ZNF536: variants seen among roughly 807,000 people sequenced by gnomAD.
ZNF536 encodes the protein zinc finger protein 536.
ZNF536 carries 13 observed loss-of-function variants against 84.5 expected under a neutral mutation model. The observed-to-expected ratio is 0.15, with a 90% confidence interval of 0.10 to 0.24. ZNF536 has a LOEUF of 0.24. ZNF536 is among the 10% of genes least tolerant of loss of function. ZNF536 has a pLI of 1.00. For synonymous variants in ZNF536, 811 were observed against 742.5 expected (o/e 1.09, Z -1.50); for missense variants, 1,536 against 1,747.5 (o/e 0.88, Z 2.16).
chr19:30,408,016 A>AT (rs1253037446), intron 1 of ZNF536, among the ~76,000 whole-genome samples: 1 of 152,188 alleles, frequency 6.6e-6, no homozygotes, highest in Non-Finnish European at 1.5e-5. Context: ...GGGCACTATG[A>AT]GTACCTGCCT....
At chr19:30,609,519 T>C (rs2048013720) in intron 1 of ZNF536, among the ~76,000 whole-genome samples, 1 of 152,240 alleles carries the variant, frequency 6.6e-6, no homozygotes, top group African/African-American at 2.4e-5. Flanking sequence ...GCCATGGCTC[T>C]GACATAGCTA....
At chr19:30,666,978 G>A (rs2147665806) in intron 1 of ZNF536, among the ~76,000 whole-genome samples, 1 of 152,214 alleles carries the variant, frequency 6.6e-6, no homozygotes, top group Admixed American at 6.5e-5. Context: ...TGTCTCCTGG[G>A]CCACAGGGGA....
chr19:30,483,286 A>G (rs2054160814), intron 2 of ZNF536, among the ~76,000 whole-genome samples: 1 of 152,180 alleles, frequency 6.6e-6, no homozygotes, highest in Non-Finnish European at 1.5e-5. Flanking sequence ...TTGGCAGGTC[A>G]GCTGGCCTCC....
chr19:30,394,958 C>T (rs909353115), intron 1 of ZNF536, among the ~76,000 whole-genome samples: 1 of 152,188 alleles, frequency 6.6e-6, no homozygotes, highest in Non-Finnish European at 1.5e-5. Flanking sequence ...GAGTCTTGCA[C>T]ATCTGCTTCC....
chr19:30,251,216 G>C (rs1440197773), intron 1 of ZNF536, among the ~76,000 whole-genome samples: 2 of 152,128 alleles, frequency 1.3e-5, no homozygotes, highest in Non-Finnish European at 2.9e-5. Flanking sequence ...ATAAGACTGT[G>C]TGTCTACATT....
intron 1 of ZNF536, among the ~76,000 whole-genome samples, chr19:30,383,682 TCCTTCCTTTCTTTTCTTTCTC>T (rs2049127269): frequency 2.5e-5 from 1 of 40,054 alleles, no homozygotes; most frequent in African/African-American, 7.1e-5. Context: ...CTTCCTTTCT[TCCTTCCTTTCTTTTCTTTCTC>T]TTTCTTTCTT....
At chr19:30,669,814 C>T (rs543383491) in intron 1 of ZNF536, among the ~76,000 whole-genome samples, 3 of 152,322 alleles carry the variant, frequency 2.0e-5, no homozygotes, top group East Asian at 3.9e-4. Flanking sequence ...GAAAAGACCT[C>T]AGGTTAACCG....
chr19:30,251,254 G>C (rs1450900601), intron 1 of ZNF536, among the ~76,000 whole-genome samples: 1 of 152,138 alleles, frequency 6.6e-6, no homozygotes, highest in Non-Finnish European at 1.5e-5. Flanking sequence ...AACCATTTCT[G>C]ATGCTATTTG....
intron 2 of ZNF536, among the ~76,000 whole-genome samples, chr19:30,468,853 G>T (rs1030354720): frequency 4.6e-5 from 7 of 152,136 alleles, no homozygotes; most frequent in Admixed American, 1.3e-4. Flanking sequence ...GGCTTTGGGG[G>T]TGCAGGTGCA....
intron 3 of ZNF536, among the ~76,000 whole-genome samples, chr19:30,363,159 A>G (rs1361155673): frequency 6.6e-6 from 1 of 152,150 alleles, no homozygotes; most frequent in Non-Finnish European, 1.5e-5. Flanking sequence ...GGCTGGGACA[A>G]GCTCCCTGGA....
chr19:30,299,437 T>G (rs2046108131), intron 2 of ZNF536, among the ~76,000 whole-genome samples: 1 of 152,164 alleles, frequency 6.6e-6, no homozygotes, highest in African/African-American at 2.4e-5. Context: ...AAACAACAAA[T>G]CCATTGTGAA....
chr19:30,527,026 C>T lies in ZNF536; in HGVS notation c.2171-7821C>T, dbSNP rs527910106. 6.9e-3 allele frequency among the ~76,000 whole-genome samples: 1,046 copies of T among 151,880 alleles called. 11 individuals are homozygous for T. The highest frequency in any genetic ancestry group is 0.024 in the African/African-American group (979 of 41,456). On this transcript the variant is annotated intron_variant, in intron 2 of 4. Transcript: ENST00000355537. ...CTCCGCCTCCTGGGTTCAAGCGATTCTCTTATCTCAGCCTCCCGAATAGCC... is the reference window on the plus strand; with the variant it reads ...CTCCGCCTCCTGGGTTCAAGCGATTTTCTTATCTCAGCCTCCCGAATAGCC...
chr19:30,483,732 C>A (rs1483005562), intron 2 of ZNF536, among the ~76,000 whole-genome samples: 1 of 152,120 alleles, frequency 6.6e-6, no homozygotes, highest in Non-Finnish European at 1.5e-5. Flanking sequence ...AAGGATCTAC[C>A]TAAAAGCCAA....
chr19:30,365,538 G>A (rs1487891297), intron 3 of ZNF536, among the ~76,000 whole-genome samples: 2 of 152,166 alleles, frequency 1.3e-5, no homozygotes, highest in East Asian at 3.9e-4. Flanking sequence ...ACATAGCATT[G>A]CCACTTCTAT....
chr19:30,656,601 G>A (rs2049924811), intron 1 of ZNF536, among the ~76,000 whole-genome samples: 1 of 152,228 alleles, frequency 6.6e-6, no homozygotes, highest in Non-Finnish European at 1.5e-5. Context: ...AGAGTCAAAG[G>A]ATGTCATTCC....
chr19:30,446,881 T>C (rs540619026), intron 2 of ZNF536, among the ~76,000 whole-genome samples: 6 of 151,792 alleles, frequency 4.0e-5, no homozygotes. Context: ...AATCACCACC[T>C]AACAGCAGGT....
chr19:30,449,455 G>A (rs561693307), intron 2 of ZNF536, among the ~76,000 whole-genome samples: 79 of 152,248 alleles, frequency 5.2e-4, no homozygotes, highest in African/African-American at 1.8e-3. Flanking sequence ...CACAACCAAA[G>A]TTCTGTTTCT....
At chr19:30,295,982 C>A (rs900934212) in intron 2 of ZNF536, among the ~76,000 whole-genome samples, 10 of 152,168 alleles carry the variant, frequency 6.6e-5, no homozygotes, top group African/African-American at 2.2e-4. Flanking sequence ...CTCCATGGGG[C>A]CCAGACCAGT....
At chr19:30,484,853 A>G (rs2054238006) in intron 2 of ZNF536, among the ~76,000 whole-genome samples, 1 of 152,030 alleles carries the variant, frequency 6.6e-6, no homozygotes, top group African/African-American at 2.4e-5. Context: ...GTAGAAAATC[A>G]AACCTTGTTG....
Sources: allele counts gnomAD v4.1 joint callset (sites outside exome capture counted in the v4.1 genomes callset), GRCh38; gene constraint gnomAD v4.1.1; transcripts MANE v1.5; gene names NCBI Gene and HGNC (gene_info 2026-07-23, HGNC 2026-07-21).